TBC1D22A: variants seen among roughly 807,000 people sequenced by gnomAD.
TBC1D22A encodes putative GTPase activator.
Under a neutral mutation model 60.2 loss-of-function variants are expected in TBC1D22A, and 38 were observed. That is an observed-to-expected ratio of 0.63 (90% CI 0.49 to 0.83). TBC1D22A has a LOEUF of 0.83. TBC1D22A is among the 40% of genes least tolerant of loss of function. The pLI is 0.00. For synonymous variants in TBC1D22A, 302 were observed against 281.7 expected, an observed-to-expected ratio of 1.07 and a Z score of -0.72; for missense variants, 628 against 701.0, an observed-to-expected ratio of 0.90 and a Z score of 1.18.
At chr22:47,018,486 C>T (rs915634636) in intron 10 of TBC1D22A, among the ~76,000 whole-genome samples, 1 of 152,156 alleles carries the variant, frequency 6.6e-6, no homozygotes, top group South Asian at 2.1e-4. Context: ...GCCTGCCGTT[C>T]GGCTCGGCTG....
Position 46,771,995 on chromosome 22 carries a change from G to A in TBC1D22A, c.62+9147G>A, listed in dbSNP as rs73472898. 7.3e-3 allele frequency among the ~76,000 whole-genome samples: 1,102 copies of A among 151,662 alleles called. 23 individuals are homozygous for A. The highest frequency in any genetic ancestry group is 0.025 in the African/African-American group (1,045 of 41,218). On this transcript the variant is annotated intron_variant, in intron 1 of 12. Transcript: ENST00000337137. The stretch of plus-strand genomic sequence containing the variant: ...TCTCCAATCTCATCGAGGTCTCTGC[G>A]AATGCCAGTAATTCATTCCTTTTTA...
chr22:46,847,960 C>T (rs1024851143), intron 4 of TBC1D22A, among the ~76,000 whole-genome samples: 4 of 147,530 alleles, frequency 2.7e-5, no homozygotes, highest in South Asian at 4.3e-4. Context: ...TGTGTGCGCG[C>T]GCGCACGCGC....
chr22:46,839,131 A>G (rs2086642624), intron 4 of TBC1D22A, among the ~76,000 whole-genome samples: 1 of 152,244 alleles, frequency 6.6e-6, no homozygotes, highest in South Asian at 2.1e-4. Flanking sequence ...TGGAACTAAT[A>G]TACAAATTCA....
chr22:47,135,745 G>A (rs2066842428), intron 12 of TBC1D22A, among the ~76,000 whole-genome samples: 1 of 152,262 alleles, frequency 6.6e-6, no homozygotes, highest in African/African-American at 2.4e-5. Context: ...AAGTCGAGGG[G>A]AAGTGACCAA....
intron 4 of TBC1D22A, among the ~76,000 whole-genome samples, chr22:46,842,061 C>G (rs1395943198): frequency 2.0e-5 from 3 of 152,180 alleles, no homozygotes; most frequent in Non-Finnish European, 2.9e-5. Context: ...TATTATTTGG[C>G]CCATCCAACA....
chr22:47,141,294 T>TG (rs2147143232), intron 12 of TBC1D22A, among the ~76,000 whole-genome samples: 1 of 152,280 alleles, frequency 6.6e-6, no homozygotes, highest in African/African-American at 2.4e-5. Flanking sequence ...AGATGAGATT[T>TG]GGGTGGGGAC....
intron 10 of TBC1D22A, among the ~76,000 whole-genome samples, chr22:47,012,829 C>T (rs568219937): frequency 4.6e-5 from 7 of 152,286 alleles, no homozygotes; most frequent in South Asian, 4.1e-4. Context: ...TTCTGCCCTA[C>T]GTTAGAAGAC....
chr22:46,825,971 C>T (rs2086041198), intron 4 of TBC1D22A, among the ~76,000 whole-genome samples: 1 of 150,880 alleles, frequency 6.6e-6, no homozygotes, highest in South Asian at 2.1e-4. Flanking sequence ...CAAGCTCCAT[C>T]TCCCGGGTTC....
chr22:47,038,396 G>A (rs926538417), intron 11 of TBC1D22A, among the ~76,000 whole-genome samples: 7 of 152,206 alleles, frequency 4.6e-5, no homozygotes, highest in African/African-American at 1.7e-4. Flanking sequence ...TAGGTCCCAG[G>A]CACTGCGTTG....
chr22:47,107,769 G>A (rs578050001), intron 11 of TBC1D22A, among the ~76,000 whole-genome samples: 5 of 152,364 alleles, frequency 3.3e-5, no homozygotes, highest in South Asian at 2.1e-4. Flanking sequence ...GAAGACACAA[G>A]TGAGGACTAG....
chr22:46,854,023 C>G (rs1290411700), intron 4 of TBC1D22A, among the ~76,000 whole-genome samples: 1 of 152,218 alleles, frequency 6.6e-6, no homozygotes, highest in African/African-American at 2.4e-5. Flanking sequence ...CTCCGAGTGT[C>G]CCCTGTGAGT....
intron 8 of TBC1D22A, among the ~76,000 whole-genome samples, chr22:46,941,677 A>ACG (rs2072121720): frequency 6.8e-6 from 1 of 146,676 alleles, no homozygotes; most frequent in African/African-American, 2.5e-5. Context: ...GAATATATAT[A>ACG]CGGAATATAT....
At chr22:46,858,683 C>T (rs1363475332) in intron 4 of TBC1D22A, among the ~76,000 whole-genome samples, 2 of 152,180 alleles carry the variant, frequency 1.3e-5, no homozygotes, top group African/African-American at 2.4e-5. Flanking sequence ...GATACGCTGG[C>T]GGGTGTGCTT....
chr22:47,056,113 C>G (rs1052796065), intron 11 of TBC1D22A, among the ~76,000 whole-genome samples: 2 of 152,096 alleles, frequency 1.3e-5, no homozygotes, highest in African/African-American at 4.8e-5. Context: ...TTTGAGCAGT[C>G]TGGGTCGGGT....
At chr22:46,768,394 A>G (rs567439928) in intron 1 of TBC1D22A, among the ~76,000 whole-genome samples, 127 of 147,176 alleles carry the variant, frequency 8.6e-4, no homozygotes, top group Non-Finnish European at 1.5e-3. Context: ...CTGAGGCAGG[A>G]GAGTCGCTTG....
At chr22:47,045,732 C>T (rs1240128440) in intron 11 of TBC1D22A, among the ~76,000 whole-genome samples, 1 of 152,166 alleles carries the variant, frequency 6.6e-6, no homozygotes, top group Non-Finnish European at 1.5e-5. Context: ...AGAAACCGCC[C>T]ACCCTGTGGG....
chr22:46,798,050 A>T (rs935065694), intron 4 of TBC1D22A, among the ~76,000 whole-genome samples: 4 of 151,628 alleles, frequency 2.6e-5, no homozygotes, highest in African/African-American at 9.7e-5. Context: ...TTTTTAAACA[A>T]TTTTTTCTAC....
intron 1 of TBC1D22A, among the ~76,000 whole-genome samples, chr22:46,771,366 G>C (rs920540587): frequency 6.6e-6 from 1 of 151,990 alleles, no homozygotes; most frequent in African/African-American, 2.4e-5. Context: ...GATTACTGGG[G>C]AACAGGTGGT....
chr22:46,889,442 T>G (rs2068279845), intron 5 of TBC1D22A, among the ~76,000 whole-genome samples: 1 of 152,160 alleles, frequency 6.6e-6, no homozygotes, highest in African/African-American at 2.4e-5. Context: ...AGTAATTTCT[T>G]TAGAAAAAGA....
Sources: allele counts gnomAD v4.1 joint callset (sites outside exome capture counted in the v4.1 genomes callset), GRCh38; gene constraint gnomAD v4.1.1; transcripts MANE v1.5; gene names NCBI Gene and HGNC (gene_info 2026-07-23, HGNC 2026-07-21).